Variants in CDYL2 observed in about 807,000 individuals in gnomAD.
CDYL2 encodes the protein chromodomain Y like 2.
CDYL2 carries 23 observed loss-of-function variants against 49.4 expected under a neutral mutation model. The observed-to-expected ratio is 0.47, with a 90% CI of 0.34 to 0.66. The LOEUF is 0.66. CDYL2 is among the 30% of genes least tolerant of loss of function. The pLI is 0.01. For missense variants in CDYL2, 678 were observed against 656.4 expected (o/e 1.03, Z -0.36); for synonymous variants, 360 against 268.8 (o/e 1.34, Z -3.32).
chr16:80,637,704 T>C (rs1228439100), intron 2 of CDYL2, among the ~76,000 whole-genome samples: 1 of 152,178 alleles, frequency 6.6e-6, no homozygotes, highest in Non-Finnish European at 1.5e-5. Context: ...GGAGAGATTA[T>C]ACTTAACAAT....
At chr16:80,727,138 G>A (rs557056596) in intron 1 of CDYL2, among the ~76,000 whole-genome samples, 39 of 152,352 alleles carry the variant, frequency 2.6e-4, no homozygotes, top group South Asian at 4.1e-4. Context: ...AGCTCCCAGC[G>A]TGAGTGACGC....
intron 1 of CDYL2, among the ~76,000 whole-genome samples, chr16:80,731,286 G>A (rs1367757460): frequency 6.6e-6 from 1 of 152,100 alleles, no homozygotes; most frequent in African/African-American, 2.4e-5. Flanking sequence ...AGATGAAATT[G>A]AGGAATCTTC....
At chr16:80,788,298 T>C (rs1907500167) in intron 1 of CDYL2, among the ~76,000 whole-genome samples, 1 of 152,202 alleles carries the variant, frequency 6.6e-6, no homozygotes, top group Non-Finnish European at 1.5e-5. Flanking sequence ...TCATCACTTT[T>C]TGTGAGTCAG....
intron 1 of CDYL2, among the ~76,000 whole-genome samples, chr16:80,759,123 TATATATATATATATATGGTTTATATAA>T (rs1906432807): frequency 7.9e-6 from 1 of 126,956 alleles, no homozygotes; most frequent in African/African-American, 3.5e-5. Context: ...TATATATATA[TATATATATATATATATGGTTTATATAA>T]ATATATGGTT....
At chr16:80,665,257 C>T (rs1909212045) in intron 2 of CDYL2, among the ~76,000 whole-genome samples, 1 of 152,094 alleles carries the variant, frequency 6.6e-6, no homozygotes, top group Non-Finnish European at 1.5e-5. Context: ...GTGGAAGCTG[C>T]GTCTATAATC....
chr16:80,645,678 A>T (rs1908308251), intron 2 of CDYL2, among the ~76,000 whole-genome samples: 1 of 152,142 alleles, frequency 6.6e-6, no homozygotes, highest in African/African-American at 2.4e-5. Flanking sequence ...ATAAAGACAC[A>T]TGCACACGTA....
intron 2 of CDYL2, among the ~76,000 whole-genome samples, chr16:80,678,916 G>A (rs945522703): frequency 1.5e-4 from 23 of 151,074 alleles, no homozygotes; most frequent in African/African-American, 5.4e-4. Context: ...TATACACCAT[G>A]GAATACTATG....
chr16:80,754,108 T>C (rs1272677891), intron 1 of CDYL2, among the ~76,000 whole-genome samples: 2 of 152,186 alleles, frequency 1.3e-5, no homozygotes, highest in Non-Finnish European at 2.9e-5. Flanking sequence ...TTAATCCCTA[T>C]TTTACAAGCT....
intron 1 of CDYL2, among the ~76,000 whole-genome samples, chr16:80,787,090 G>T (rs959166818): frequency 6.6e-6 from 1 of 151,934 alleles, no homozygotes; most frequent in African/African-American, 2.4e-5. Context: ...AGACGAAGAA[G>T]AAGAAAGTGA....
chr16:80,672,318 TAC>T (rs68135845), intron 2 of CDYL2, among the ~76,000 whole-genome samples: 46,879 of 126,640 alleles, frequency 0.37, 9,292 homozygotes, highest in East Asian at 0.66. Context: ...TACAAAATGT[TAC>T]ACACACACAC....
At chr16:80,699,067 G>T (rs1904288129) in intron 1 of CDYL2, among the ~76,000 whole-genome samples, 1 of 152,126 alleles carries the variant, frequency 6.6e-6, no homozygotes. Flanking sequence ...TGGTGGGAAT[G>T]TAAATTAGTA....
intron 1 of CDYL2, among the ~76,000 whole-genome samples, chr16:80,716,418 A>G (rs1260786128): frequency 2.0e-5 from 3 of 152,106 alleles, no homozygotes; most frequent in Non-Finnish European, 2.9e-5. Context: ...GGATGGATAG[A>G]TGGGTGGATG....
At chr16:80,722,096 C>A (rs1486327824) in intron 1 of CDYL2, among the ~76,000 whole-genome samples, 1 of 152,058 alleles carries the variant, frequency 6.6e-6, no homozygotes, top group Non-Finnish European at 1.5e-5. Flanking sequence ...GATAAGGAAG[C>A]ATTGAGTCAT....
At position 80,633,047 on chromosome 16, in the gene CDYL2, G is replaced by A. The variant is rs761277499; in HGVS notation, c.806C>T (p.Thr269Ile). Residue 269 changes from threonine (T) to isoleucine (I), a missense_variant, in exon 3 of 7, where the codon ACC becomes ATC. Thr to Ile is a moderately conservative substitution (Grantham distance 89). This residue lies in a region of CDYL2 where 478 missense variants were observed against 427.0 expected (regional missense o/e 1.12). Transcript: ENST00000570137. ...GFTHILLSSQ[T>I]SDNNALTPEI... is the part of the protein sequence containing the mutation. ...AGGTGTCAGGGCATTGTTATCCGAG[G>A]TCTGACTGGACAGCAGGATGTGCGT... 13 of 1,614,012 alleles carry A rather than the reference G, an allele frequency of 8.1e-6. No individual in the cohort carries two copies. The Admixed American group carries it at 1.5e-4, about 19-fold the overall frequency.
intron 1 of CDYL2, among the ~76,000 whole-genome samples, chr16:80,776,676 T>C (rs1207135562): frequency 6.6e-5 from 10 of 151,328 alleles, no homozygotes; most frequent in Non-Finnish European, 1.3e-4. Flanking sequence ...GATATTAACA[T>C]GGATAAATCT....
intron 1 of CDYL2, among the ~76,000 whole-genome samples, chr16:80,751,460 C>G (rs899913413): frequency 6.6e-6 from 1 of 152,124 alleles, no homozygotes; most frequent in African/African-American, 2.4e-5. Context: ...GAAAGGCAAG[C>G]AGCACGTGGC....
At chr16:80,643,364 G>C (rs1238415428) in intron 2 of CDYL2, among the ~76,000 whole-genome samples, 1 of 152,230 alleles carries the variant, frequency 6.6e-6, no homozygotes, top group Non-Finnish European at 1.5e-5. Context: ...TTGGCATTGA[G>C]TGTCTGCAAC....
chr16:80,749,253 A>C (rs73595148), intron 1 of CDYL2, among the ~76,000 whole-genome samples: 5,277 of 152,304 alleles, frequency 0.035, 312 homozygotes, highest in African/African-American at 0.12. Flanking sequence ...GCAATGTCTT[A>C]TTTAGGGCAG....
At chr16:80,670,617 C>T (rs575293751) in intron 2 of CDYL2, among the ~76,000 whole-genome samples, 62 of 152,314 alleles carry the variant, frequency 4.1e-4, no homozygotes, top group African/African-American at 1.4e-3. Flanking sequence ...CATCTGGCTT[C>T]TCACCAGGAG....
Sources: gnomAD v4.1 joint callset for allele counts (sites outside exome capture counted in the v4.1 genomes callset) on GRCh38, gnomAD v4.1.1 for gene constraint, gnomAD v4.1.1 regional missense constraint, MANE v1.5 for transcripts, NCBI Gene and HGNC (gene_info 2026-07-23, HGNC 2026-07-21) for gene names.